The following RHEB variants were observed in gnomAD, a reference collection of about 807,000 sequenced individuals.
RHEB encodes the protein GTP-binding protein Rheb.
RHEB carries 2 observed loss-of-function variants against 28.8 expected under a neutral mutation model. The ratio of observed to expected loss-of-function variants is 0.07; its 90% confidence interval spans 0.03 to 0.22. The LOEUF (loss-of-function observed/expected upper bound fraction) is 0.22. Among genes scored for constraint, RHEB ranks in the 10% least tolerant of loss-of-function variants. RHEB has a pLI of 1.00. For missense variants in RHEB, 76 were observed against 219.9 expected (o/e 0.35, Z 4.14); for synonymous variants, 69 against 77.3 (o/e 0.89, Z 0.56).
At chr7:151,485,246 A>G (rs552980693) in intron 2 of RHEB, among the ~76,000 whole-genome samples, 1 of 152,242 alleles carries the variant, frequency 6.6e-6, no homozygotes, top group Non-Finnish European at 1.5e-5. Flanking sequence ...AAGAACTTTT[A>G]GTACATAAAA....
intron 1 of RHEB, among the ~76,000 whole-genome samples, chr7:151,507,498 A>T (rs536022299): frequency 6.6e-6 from 1 of 152,308 alleles, no homozygotes; most frequent in Non-Finnish European, 1.5e-5. Context: ...GTCAGATGAG[A>T]GTGTGTGATG....
chr7:151,493,500 C>T (rs979992130), intron 1 of RHEB, among the ~76,000 whole-genome samples: 1 of 152,202 alleles, frequency 6.6e-6, no homozygotes, highest in East Asian at 1.9e-4. Context: ...CTGAAGCCAG[C>T]ACAGGGCCAG....
chr7:151,483,679 C>T (rs184924470), intron 3 of RHEB, among the ~76,000 whole-genome samples: 213 of 152,296 alleles, frequency 1.4e-3, no homozygotes, highest in Admixed American at 3.7e-3. Flanking sequence ...CCACTGCCTT[C>T]CAGCCTGGGT....
chr7:151,480,934 T>C (rs1009821880), intron 3 of RHEB, among the ~76,000 whole-genome samples: 1 of 152,222 alleles, frequency 6.6e-6, no homozygotes, highest in African/African-American at 2.4e-5. Flanking sequence ...TCCACCCGCC[T>C]TGGCCTCCCA....
rs62479811 is a variant in RHEB at position 151,470,754 on chromosome 7, C to G, written c.381-102G>C. On this transcript the variant is annotated intron_variant, in intron 6 of 7. Coordinates refer to ENST00000262187, the MANE Select transcript of RHEB (RefSeq NM_005614.4). ...AGGCTCCATTTTGGTCAATTTCTTT[C>G]TCATGAAGCAGAACCATGCCCTGGC... 3.8e-3 allele frequency: 2,929 copies of G among 761,360 alleles called. 4 individuals are homozygous for G. Among genetic ancestry groups the G allele is most frequent in the Non-Finnish European group, 5.6e-3 (2,582 of 462,914 alleles). 47.2% of individuals were successfully genotyped at this position (761,360 alleles called of 1,614,324 possible). A position where few individuals can be genotyped will look rare whatever the true frequency, so the allele number is the denominator to read the frequency against.
At chr7:151,479,540 G>A (rs978562452) in intron 3 of RHEB, among the ~76,000 whole-genome samples, 2 of 151,982 alleles carry the variant, frequency 1.3e-5, no homozygotes, top group Admixed American at 6.6e-5. Context: ...AAAACTAGCT[G>A]GGCGTGGTGG....
At chr7:151,483,609 G>C (rs1328880245) in intron 3 of RHEB, among the ~76,000 whole-genome samples, 1 of 152,172 alleles carries the variant, frequency 6.6e-6, no homozygotes, top group East Asian at 1.9e-4. Context: ...CCGGCTACTT[G>C]GGAGGCTGTG....
At chr7:151,467,310 T>TCCTCC in intron 7 of RHEB, 99 bp from the exon 8 acceptor site, 4 of 854,056 alleles carry the variant, frequency 4.7e-6, no homozygotes, top group Non-Finnish European at 7.8e-6. Context: ...CCTGCCCTCC[T>TCCTCC]ACTGGTGGAG....
At position 151,490,999 on chromosome 7, in the gene RHEB, G is replaced by A. The variant is rs867628277; in HGVS notation, c.68C>T (p.Thr23Met). ...AAATTGGCCTTCAACAAATTGAATC[G>A]TCAATGAGGATTTCCCTATAAAAGA... ...GYRSVGKSSLTIQFVEGQFVD... is the reference protein window; with the variant it reads ...GYRSVGKSSLMIQFVEGQFVD... The change falls in exon 2 of 8, where the codon ACG (threonine) becomes ATG (methionine). Residue 23 changes from threonine (T) to methionine (M), a missense_variant. Coordinates refer to ENST00000262187, the MANE Select transcript of RHEB (RefSeq NM_005614.4). The A allele has an allele frequency of 1.2e-6, 2 of 1,611,012 alleles. No homozygotes were observed. The highest frequency in any genetic ancestry group is 8.5e-7 in the Non-Finnish European group (1 of 1,178,468).
intron 1 of RHEB, among the ~76,000 whole-genome samples, chr7:151,497,095 T>C (rs1460986047): frequency 6.6e-6 from 1 of 151,948 alleles, no homozygotes; most frequent in African/African-American, 2.4e-5. Context: ...GCCACAAACC[T>C]CTATGATCTT....
At chr7:151,497,752 T>A (rs893386512) in intron 1 of RHEB, among the ~76,000 whole-genome samples, 2 of 152,170 alleles carry the variant, frequency 1.3e-5, no homozygotes, top group East Asian at 3.9e-4. Flanking sequence ...GGAGGAAGAG[T>A]TAGCCACCCT....
At chr7:151,479,925 G>A (rs1563093377) in intron 3 of RHEB, among the ~76,000 whole-genome samples, 1 of 152,030 alleles carries the variant, frequency 6.6e-6, no homozygotes, top group Non-Finnish European at 1.5e-5. Context: ...AATTCATAGG[G>A]GGAAAAATAC....
At chr7:151,504,099 C>T (rs916427880) in intron 1 of RHEB, among the ~76,000 whole-genome samples, 5 of 152,186 alleles carry the variant, frequency 3.3e-5, no homozygotes, top group African/African-American at 7.2e-5. Context: ...AACTGCATTG[C>T]AAAATCAAAC....
intron 2 of RHEB, among the ~76,000 whole-genome samples, chr7:151,487,903 A>G (rs921243931): frequency 1.3e-5 from 2 of 152,176 alleles, no homozygotes; most frequent in African/African-American, 4.8e-5. Flanking sequence ...GGTTTCCAAA[A>G]TTTGGTGTTC....
chr7:151,469,382 T>C (rs1802118762), intron 7 of RHEB, among the ~76,000 whole-genome samples: 1 of 152,192 alleles, frequency 6.6e-6, no homozygotes, highest in African/African-American at 2.4e-5. Flanking sequence ...CCACAATTTC[T>C]TTCAGCTGGA....
At chr7:151,481,001 G>A (rs1168545053) in intron 3 of RHEB, among the ~76,000 whole-genome samples, 4 of 151,980 alleles carry the variant, frequency 2.6e-5, no homozygotes, top group Non-Finnish European at 5.9e-5. Flanking sequence ...GCCGGAGGTT[G>A]CAAAATTTTT....
rs369244125 is a variant in RHEB, at chr7:151,507,618, G to A, written c.52+11842C>T. On this transcript the variant is annotated intron_variant, in intron 1 of 7. Transcript: ENST00000262187. ...CTCGCTTGTTCCTGTGAGCTAAGCAGGGTTGACATCATGTTGTTCTTTCTC... is the reference window on the plus strand; with the variant it reads ...CTCGCTTGTTCCTGTGAGCTAAGCAAGGTTGACATCATGTTGTTCTTTCTC... Among the ~76,000 whole-genome samples the A allele has an allele frequency of 1.2e-4, 18 of 152,138 alleles. No homozygotes were observed. In the East Asian group the frequency reaches 2.5e-3, roughly 21 times the overall value.
chr7:151,490,874 G>T, intron 2 of RHEB, 69 bp downstream of exon 2: 1 of 1,160,650 alleles, frequency 8.6e-7, no homozygotes, highest in South Asian at 1.2e-5. Flanking sequence ...AAGCCTCCAT[G>T]AATACACAAT....
chr7:151,516,495 C>T (rs188860748), intron 1 of RHEB, among the ~76,000 whole-genome samples: 13 of 151,450 alleles, frequency 8.6e-5, no homozygotes, highest in South Asian at 2.1e-4. Flanking sequence ...GGGTGGCAGG[C>T]GCCTGTTATC....
Sources: gnomAD v4.1 joint callset for allele counts (sites outside exome capture counted in the v4.1 genomes callset) on GRCh38, gnomAD v4.1.1 for gene constraint, MANE v1.5 for transcripts, NCBI Gene and HGNC (gene_info 2026-07-23, HGNC 2026-07-21) for gene names.